The following STX8 variants were observed in gnomAD, a reference collection of about 807,000 sequenced individuals.
The protein encoded by STX8 is syntaxin 8, also known as syntaxin-8.
In STX8, 23 loss-of-function variants were observed where a neutral mutation model predicts 37.5. The observed-to-expected ratio is 0.61, with a 90% CI of 0.44 to 0.87. The LOEUF (loss-of-function observed/expected upper bound fraction) is 0.87. Among genes scored for constraint, STX8 ranks in the 40% least tolerant of loss-of-function variants. STX8 has a pLI of 0.00. For missense variants in STX8, 313 were observed against 284.7 expected, an observed-to-expected ratio of 1.10 and a Z score of -0.71; for synonymous variants, 115 against 99.1, an observed-to-expected ratio of 1.16 and a Z score of -0.95.
chr17:9,422,943 T>C (rs1177372658), intron 6 of STX8, among the ~76,000 whole-genome samples: 1 of 152,232 alleles, frequency 6.6e-6, no homozygotes, highest in Non-Finnish European at 1.5e-5. Context: ...AGCAAACACA[T>C]ACTACGTAAT....
intron 7 of STX8, among the ~76,000 whole-genome samples, chr17:9,255,791 C>T (rs563166412): frequency 2.0e-5 from 3 of 152,248 alleles, no homozygotes; most frequent in South Asian, 4.1e-4. Flanking sequence ...CTGAGGAGGT[C>T]GTTTTAAGAT....
intron 7 of STX8, among the ~76,000 whole-genome samples, chr17:9,342,690 C>G (rs968747180): frequency 6.6e-5 from 10 of 151,888 alleles, no homozygotes; most frequent in African/African-American, 9.7e-5. Flanking sequence ...TTTTGAGTGC[C>G]AGGAAATGAC....
intron 6 of STX8, among the ~76,000 whole-genome samples, chr17:9,388,812 G>GA (rs79059878): frequency 0.01 from 1,096 of 108,006 alleles, 10 homozygotes; most frequent in Middle Eastern, 0.024. Context: ...TCAAAAAAAA[G>GA]AAAAAAAAAA....
intron 4 of STX8, among the ~76,000 whole-genome samples, chr17:9,536,208 C>G (rs1906045133): frequency 6.6e-6 from 1 of 152,188 alleles, no homozygotes; most frequent in Non-Finnish European, 1.5e-5. Flanking sequence ...AAAACACATT[C>G]TCCTTTCTCT....
Position 9,357,046 on chromosome 17 carries a change from C to A in STX8, c.643+21506G>T, listed in dbSNP as rs554623029. On this transcript the variant is annotated intron_variant, in intron 7 of 7. Coordinates refer to ENST00000306357, the MANE Select transcript of STX8 (RefSeq NM_004853.3). ...GCAGTGGCATGATCTCAACTCACTG[C>A]AACCTCCGCCTCCCAGGTTCAAGCA... Among the ~76,000 whole-genome samples, 22 of 140,928 alleles carry A rather than the reference C, an allele frequency of 1.6e-4. No individual in the cohort carries two copies. In the East Asian group the frequency reaches 5.1e-3, roughly 33 times the overall value. 92.5% of individuals were successfully genotyped at this position (140,928 alleles called of 152,430 possible). A position where few individuals can be genotyped will look rare whatever the true frequency, so the allele number is the denominator to read the frequency against.
At chr17:9,418,068 GGACAGAAGTGTGGGTAAACTGGA>G (rs1913262951) in intron 6 of STX8, among the ~76,000 whole-genome samples, 1 of 152,182 alleles carries the variant, frequency 6.6e-6, no homozygotes, top group South Asian at 2.1e-4. Context: ...TAGCCACGTT[GGACAGAAGTGTGGGTAAACTGGA>G]GACCCAGTGC....
intron 6 of STX8, among the ~76,000 whole-genome samples, chr17:9,454,080 T>C (rs1905119290): frequency 6.6e-6 from 1 of 152,244 alleles, no homozygotes; most frequent in Non-Finnish European, 1.5e-5. Context: ...ACATTATATA[T>C]ACATCATTAA....
At chr17:9,529,430 C>A (rs1905721766) in intron 4 of STX8, among the ~76,000 whole-genome samples, 2 of 152,112 alleles carry the variant, frequency 1.3e-5, no homozygotes, top group African/African-American at 4.8e-5. Flanking sequence ...TTCTTTAATT[C>A]AAGTAGAACT....
At chr17:9,304,266 T>C (rs1908880914) in intron 7 of STX8, among the ~76,000 whole-genome samples, 1 of 151,970 alleles carries the variant, frequency 6.6e-6, no homozygotes, top group South Asian at 2.1e-4. Flanking sequence ...TCCCAGCACT[T>C]TGGGAGGCCA....
At chr17:9,304,502 T>G (rs1382940162) in intron 7 of STX8, among the ~76,000 whole-genome samples, 6 of 91,000 alleles carry the variant, frequency 6.6e-5, no homozygotes, top group South Asian at 3.2e-4. Context: ...AGAGCGAAAC[T>G]GTCTCAAAAA....
intron 4 of STX8, among the ~76,000 whole-genome samples, chr17:9,512,333 C>T (rs1905041379): frequency 6.6e-6 from 1 of 152,162 alleles, no homozygotes; most frequent in Admixed American, 6.5e-5. Context: ...TACCAGACTT[C>T]AAAATATACC....
intron 6 of STX8, among the ~76,000 whole-genome samples, chr17:9,436,897 G>A (rs959452549): frequency 1.3e-5 from 2 of 152,202 alleles, no homozygotes; most frequent in Non-Finnish European, 2.9e-5. Flanking sequence ...ATACAGAGCT[G>A]AGGTCAGAAT....
intron 6 of STX8, among the ~76,000 whole-genome samples, chr17:9,391,263 G>A (rs112346113): frequency 0.026 from 3,838 of 147,770 alleles, 174 homozygotes; most frequent in African/African-American, 0.094. Context: ...AGACCAGCCC[G>A]GCCAACATGG....
intron 4 of STX8, among the ~76,000 whole-genome samples, chr17:9,514,301 T>A (rs1253438573): frequency 2.6e-5 from 4 of 152,200 alleles, no homozygotes; most frequent in African/African-American, 9.6e-5. Flanking sequence ...AATTATTATA[T>A]GTCAATTAAA....
At chr17:9,570,007 T>A (rs749355778) in intron 1 of STX8, 1 of 152,142 alleles carries the variant, frequency 6.6e-6, no homozygotes, top group Non-Finnish European at 1.5e-5. Flanking sequence ...TCATTTCTCC[T>A]ATCAGACAGT....
At chr17:9,395,031 G>A (rs1376301605) in intron 6 of STX8, among the ~76,000 whole-genome samples, 2 of 150,764 alleles carry the variant, frequency 1.3e-5, no homozygotes, top group Admixed American at 6.6e-5. Flanking sequence ...AGCAGAGATT[G>A]CGCCACTGCA....
chr17:9,422,042 G>C (rs554422336), intron 6 of STX8, among the ~76,000 whole-genome samples: 1 of 151,960 alleles, frequency 6.6e-6, no homozygotes, highest in African/African-American at 2.4e-5. Context: ...TTCCTGTAGA[G>C]CCTGTGGAAC....
chr17:9,495,614 A>T (rs537126494), intron 5 of STX8, among the ~76,000 whole-genome samples: 7 of 152,350 alleles, frequency 4.6e-5, no homozygotes, highest in African/African-American at 1.7e-4. Context: ...ATGATCATCT[A>T]ATGCACATGA....
At chr17:9,254,407 CT>C (rs879587275) in intron 7 of STX8, among the ~76,000 whole-genome samples, 130 of 146,702 alleles carry the variant, frequency 8.9e-4, no homozygotes, top group East Asian at 7.9e-4. Flanking sequence ...CTTATTAAAT[CT>C]TTTTTTTTTT....
Sources: gnomAD v4.1 joint callset for allele counts (sites outside exome capture counted in the v4.1 genomes callset) on GRCh38, gnomAD v4.1.1 for gene constraint, MANE v1.5 for transcripts, NCBI Gene and HGNC (gene_info 2026-07-23, HGNC 2026-07-21) for gene names.